SLC16A12: variants seen among roughly 807,000 people sequenced by gnomAD.
The protein encoded by SLC16A12 is solute carrier family 16 member 12.
SLC16A12 carries 17 observed loss-of-function variants against 42.4 expected under a neutral mutation model. That is an observed-to-expected ratio of 0.40 (90% CI 0.27 to 0.60). The LOEUF (loss-of-function observed/expected upper bound fraction) is 0.60, where lower values mean the gene tolerates loss of function less well. SLC16A12 is among the 20% of genes least tolerant of loss of function. The probability of loss-of-function intolerance (pLI) is 0.42; values close to 1 mark genes in which losing one functional copy is unlikely to be tolerated. For missense variants in SLC16A12, 544 were observed against 623.0 expected, an observed-to-expected ratio of 0.87 and a Z score of 1.35; for synonymous variants, 224 against 229.4, an observed-to-expected ratio of 0.98 and a Z score of 0.21.
intron 2 of SLC16A12, among the ~76,000 whole-genome samples, chr10:89,551,235 A>G (rs1399759291): frequency 1.1e-4 from 17 of 152,172 alleles, no homozygotes; most frequent in Non-Finnish European, 2.1e-4. Flanking sequence ...TGAGGTCAGG[A>G]GTTCGAGACC....
At chr10:89,521,881 TTCTATTGAGA>T (rs1843364066) in intron 2 of SLC16A12, among the ~76,000 whole-genome samples, 1 of 152,248 alleles carries the variant, frequency 6.6e-6, no homozygotes, top group African/African-American at 2.4e-5. Flanking sequence ...TTTGACAATG[TTCTATTGAGA>T]TCATCAAGTG....
At chr10:89,472,487 C>CTTTTTTTTTTTTTTTTTTTTTTTTTTT (rs71022567) in intron 2 of SLC16A12, among the ~76,000 whole-genome samples, 48 of 89,920 alleles carry the variant, frequency 5.3e-4, no homozygotes, top group Non-Finnish European at 7.2e-4. Flanking sequence ...TCTTTTCTTT[C>CTTTTTTTTTTTTTTTTTTTTTTTTTTT]TTTTTTTTTT....
At chr10:89,467,642 T>C (rs1842425140) in intron 2 of SLC16A12, among the ~76,000 whole-genome samples, 1 of 152,220 alleles carries the variant, frequency 6.6e-6, no homozygotes, top group South Asian at 2.1e-4. Context: ...AAAGCTTATG[T>C]AAAAGTTGTA....
intron 2 of SLC16A12, among the ~76,000 whole-genome samples, chr10:89,480,771 A>G (rs981736264): frequency 3.3e-5 from 5 of 152,208 alleles, no homozygotes; most frequent in African/African-American, 4.8e-5. Context: ...CCCTTATGCT[A>G]TGCAGACAAC....
At chr10:89,532,316 T>A (rs1031160468) in intron 2 of SLC16A12, among the ~76,000 whole-genome samples, 1 of 152,108 alleles carries the variant, frequency 6.6e-6, no homozygotes, top group African/African-American at 2.4e-5. Flanking sequence ...CTACTCCAGG[T>A]GCCTAGCATG....
rs188104721 is a variant in SLC16A12, at chr10:89,504,219, C to A, written c.-47+30282G>T. 8.5e-5 allele frequency among the ~76,000 whole-genome samples: 13 copies of A among 152,270 alleles called. No homozygotes were observed. In the East Asian group the frequency reaches 2.5e-3, roughly 29 times the overall value. ...GGTCCTGAAACTAAGCAGCCAGAAT[C>A]AGCCTGTCAAAACAAAACAAAAAAA... On this transcript the variant is annotated intron_variant, in intron 2 of 7. Coordinates refer to ENST00000371790, the MANE Select transcript of SLC16A12 (RefSeq NM_213606.4).
At chr10:89,548,265 G>C (rs60602581) in intron 2 of SLC16A12, among the ~76,000 whole-genome samples, 9,112 of 152,212 alleles carry the variant, frequency 0.06, 872 homozygotes, top group African/African-American at 0.21. Flanking sequence ...CTCCAGCCAG[G>C]AGGATGGTGA....
intron 2 of SLC16A12, among the ~76,000 whole-genome samples, chr10:89,519,971 G>C (rs1843325710): frequency 6.6e-6 from 1 of 151,884 alleles, no homozygotes; most frequent in African/African-American, 2.4e-5. Context: ...AAATTAGTTG[G>C]ATGTGGTGGT....
intron 2 of SLC16A12, among the ~76,000 whole-genome samples, chr10:89,492,096 A>G (rs1842855767): frequency 6.6e-6 from 1 of 152,206 alleles, no homozygotes; most frequent in African/African-American, 2.4e-5. Context: ...GTCACCTTTG[A>G]GACTGACATG....
At chr10:89,479,222 TCTC>T (rs1842626337) in intron 2 of SLC16A12, among the ~76,000 whole-genome samples, 1 of 152,154 alleles carries the variant, frequency 6.6e-6, no homozygotes, top group South Asian at 2.1e-4. Flanking sequence ...CTCTTCTCCT[TCTC>T]CTCACTTTTC....
chr10:89,459,019 T>A (rs951589534), intron 3 of SLC16A12, among the ~76,000 whole-genome samples: 2 of 152,234 alleles, frequency 1.3e-5, no homozygotes, highest in African/African-American at 4.8e-5. Context: ...AGTAAAACAC[T>A]GTGAAAAGTA....
At chr10:89,436,352 A>C (rs761661511) in intron 6 of SLC16A12, 33 bp from the exon 7 acceptor site, 6 of 1,613,428 alleles carry the variant, frequency 3.7e-6, no homozygotes, top group Non-Finnish European at 5.1e-6. Flanking sequence ...TAAGTGCAGG[A>C]GGTACACATT....
chr10:89,435,223 T>C (rs1317203983), intron 7 of SLC16A12, among the ~76,000 whole-genome samples: 1 of 152,230 alleles, frequency 6.6e-6, no homozygotes, highest in African/African-American at 2.4e-5. Context: ...CTATTGAGCA[T>C]TTTTACCTGT....
At chr10:89,448,654 T>G (rs2133709127) in intron 3 of SLC16A12, among the ~76,000 whole-genome samples, 1 of 152,314 alleles carries the variant, frequency 6.6e-6, no homozygotes, top group East Asian at 1.9e-4. Context: ...AATATCATTC[T>G]GAATGGGCAA....
chr10:89,478,648 G>C (rs552462949), intron 2 of SLC16A12, among the ~76,000 whole-genome samples: 1 of 152,156 alleles, frequency 6.6e-6, no homozygotes, highest in Non-Finnish European at 1.5e-5. Context: ...CATTCCCTTA[G>C]TTTCAGCCAC....
intron 2 of SLC16A12, among the ~76,000 whole-genome samples, chr10:89,517,060 C>CA (rs1372991012): frequency 2.6e-5 from 4 of 151,930 alleles, no homozygotes; most frequent in African/African-American, 4.8e-5. Flanking sequence ...CCCATCTCTA[C>CA]AAAAAATTTT....
intron 2 of SLC16A12, among the ~76,000 whole-genome samples, chr10:89,477,564 CAAAAAAAAAAAAAAAA>C (rs34204051): frequency 2.0e-5 from 1 of 49,258 alleles, no homozygotes; most frequent in African/African-American, 8.3e-5. Flanking sequence ...AACTCTGTCT[CAAAAAAAAAAAAAAAA>C]AAAAAAAAAG....
chr10:89,479,442 A>G (rs1842630808), intron 2 of SLC16A12, among the ~76,000 whole-genome samples: 1 of 152,212 alleles, frequency 6.6e-6, no homozygotes, highest in Non-Finnish European at 1.5e-5. Context: ...AGTGACTACA[A>G]CTTGGCTCCT....
intron 2 of SLC16A12, among the ~76,000 whole-genome samples, chr10:89,547,450 C>T (rs1843748292): frequency 6.6e-6 from 1 of 152,138 alleles, no homozygotes; most frequent in African/African-American, 2.4e-5. Context: ...ACAAATAAAT[C>T]AACCAGAATT....
Sources: allele counts gnomAD v4.1 joint callset (sites outside exome capture counted in the v4.1 genomes callset), GRCh38; gene constraint gnomAD v4.1.1; transcripts MANE v1.5; gene names NCBI Gene and HGNC (gene_info 2026-07-23, HGNC 2026-07-21).